The following KRT83 variants were observed in gnomAD, a reference collection of about 807,000 sequenced individuals.
KRT83 encodes the protein keratin 83, also known as keratin, type II cuticular Hb3.
KRT83 carries 51 observed loss-of-function variants against 52.9 expected under a neutral mutation model. That is an observed-to-expected ratio of 0.96 (90% CI 0.77 to 1.22). The LOEUF (loss-of-function observed/expected upper bound fraction) is 1.22, where lower values mean the gene tolerates loss of function less well. KRT83 is among the 50% of genes most tolerant of loss of function. The probability of loss-of-function intolerance (pLI) is 0.00; values close to 1 mark genes in which losing one functional copy is unlikely to be tolerated. For synonymous variants in KRT83, 278 were observed against 274.1 expected (o/e 1.01, Z -0.14); for missense variants, 654 against 666.5 (o/e 0.98, Z 0.21).
At chr12:52,320,689 C>G (rs916910586) in intron 1 of KRT83, among the ~76,000 whole-genome samples, 1 of 152,222 alleles carries the variant, frequency 6.6e-6, no homozygotes, top group Non-Finnish European at 1.5e-5. Context: ...GTCCTTTGCT[C>G]ACTAGGTGAT....
At position 52,317,678 on chromosome 12, in the gene KRT83, C is replaced by T; in HGVS notation, c.750+3G>A. On this transcript the variant is annotated splice_donor_region_variant and intron_variant, in intron 4 of 8. Coordinates refer to ENST00000293670, the MANE Select transcript of KRT83 (RefSeq NM_002282.3). ...GTGCCCACCATGGTTGAGAGCCCCTCACCTCCTCGTACAGCCGCCTCAGGA... is the reference window on the plus strand; with the variant it reads ...GTGCCCACCATGGTTGAGAGCCCCTTACCTCCTCGTACAGCCGCCTCAGGA... 1 of 1,612,134 alleles carries T rather than the reference C, an allele frequency of 6.2e-7. No individual in the cohort carries two copies. Among genetic ancestry groups the T allele is most frequent in the Non-Finnish European group, 8.5e-7 (1 of 1,179,858 alleles).
In KRT83 at chr12:52,317,985, G is replaced by T. The variant is rs554877411; in HGVS notation, c.594-15C>A. The T allele has an allele frequency of 2.5e-6, 4 of 1,612,728 alleles. No individual in the cohort carries two copies. Among genetic ancestry groups the T allele is most frequent in the East Asian group, 4.5e-5 (2 of 44,874 alleles). On this transcript the variant is annotated splice_polypyrimidine_tract_variant and intron_variant, in intron 2 of 8. Coordinates refer to ENST00000293670, the MANE Select transcript of KRT83 (RefSeq NM_002282.3). ...CTTCTTCATACCTGAGGTGAGCAGG[G>T]AGAACAGGACCTTGTCTGAACAGCT...
rs149269323 is a variant in KRT83 at position 52,317,956 on chromosome 12, ACTT to A, written c.605_607del (p.Glu202del). On this transcript the variant is annotated inframe_deletion, in exon 3 of 9. Coordinates refer to ENST00000293670, the MANE Select transcript of KRT83 (RefSeq NM_002282.3). ...GTTCTCTGCTGTGGCTCGAAGTGCT[ACTT>A]CTTCTTCATACCTGAGGTGAGCAGG... The A allele has an allele frequency of 3.0e-3, 4,797 of 1,613,770 alleles. 112 individuals carry two copies. In the African/African-American group the frequency reaches 0.052, roughly 17 times the overall value.
In KRT83 at chr12:52,314,939, A is replaced by G. The variant is rs1370473576; in HGVS notation, c.1295-121T>C. The stretch of plus-strand genomic sequence containing the variant: ...AAGGATGCAAAGAGCCTCCAGTTCT[A>G]TTCTGAAGGAGGGAACCCTAGCCTG... On this transcript the variant is annotated intron_variant, in intron 8 of 8. Transcript: ENST00000293670. 8.2e-6 allele frequency: 7 copies of G among 853,204 alleles called. No homozygotes were observed. The East Asian group carries it at 8.7e-5, about 11-fold the overall frequency. The allele number at this position is 853,204 out of a possible 1,614,324, so 52.9% of individuals were successfully genotyped here. A position where few individuals can be genotyped will look rare whatever the true frequency, so the allele number is the denominator to read the frequency against.
At position 52,317,829 on chromosome 12, in the gene KRT83, G is replaced by A; in HGVS notation, c.655-53C>T. The A allele has an allele frequency of 1.9e-6, 3 of 1,612,316 alleles. No individual in the cohort carries two copies. In the Admixed American group the frequency reaches 5.0e-5, roughly 27 times the overall value. The stretch of plus-strand genomic sequence containing the variant: ...CCGGCTTTCCTCAGAGGGCTCTGAG[G>A]ACCTGGCTGCCATGTGGCAGGACAA... On this transcript the variant is annotated intron_variant, in intron 3 of 8. Transcript: ENST00000293670.
In KRT83 at chr12:52,315,906, C is replaced by T. The variant is rs1354182569; in HGVS notation, c.1249G>A (p.Gly417Ser). 1 of 1,612,578 alleles carries T rather than the reference C, an allele frequency of 6.2e-7. No homozygotes were observed. The highest frequency in any genetic ancestry group is 1.7e-5 in the Admixed American group (1 of 60,022). The change falls in exon 7 of 9, where the codon GGC becomes AGC. Residue 417 changes from glycine to serine, a missense_variant. By Grantham distance (56) the Gly-to-Ser change is moderately conservative. Coordinates refer to ENST00000293670, the MANE Select transcript of KRT83 (RefSeq NM_002282.3). The stretch of plus-strand genomic sequence containing the variant: ...GGTTGGACCCACCTCTGCTCCTCGC[C>T]CTCCAGCAGGCGCCTGTAGGTGGCG... Reference protein sequence around the residue: ...EIATYRRLLEGEEQRLCEGVE... With the variant: ...EIATYRRLLESEEQRLCEGVE...
chr12:52,319,042 G>A, intron 2 of KRT83, 114 bp downstream of exon 2: 6 of 1,509,402 alleles, frequency 4.0e-6, no homozygotes, highest in Non-Finnish European at 5.5e-6. Flanking sequence ...GGGGGTACAG[G>A]TTCTTCTCCA....
rs546378595 is a variant in KRT83 at position 52,314,353 on chromosome 12, G to A, written c.*278C>T. ...GGAGACAAGAGGCCAGAGAGGCAGG[G>A]GGAACAGTCTCACAGTGCTTCTTCC... On this transcript the variant is annotated 3_prime_UTR_variant, in exon 9 of 9. Coordinates refer to ENST00000293670, the MANE Select transcript of KRT83 (RefSeq NM_002282.3). The A allele has an allele frequency of 3.7e-6, 2 of 538,152 alleles. No homozygotes were observed. The highest frequency in any genetic ancestry group is 2.1e-5 in the South Asian group (1 of 48,682). 33.3% of individuals were successfully genotyped at this position (538,152 alleles called of 1,614,324 possible).
Position 52,314,304 on chromosome 12 carries a change from G to A in KRT83, c.*327C>T. On this transcript the variant is annotated 3_prime_UTR_variant, in exon 9 of 9. Coordinates refer to ENST00000293670, the MANE Select transcript of KRT83 (RefSeq NM_002282.3). ...GCAAGACATTGCAGCACACAAAGCA[G>A]GTCCCCAAGTTTATTGGAAAAGGGG... 1 of 400,654 alleles carries A rather than the reference G, an allele frequency of 2.5e-6. No homozygotes were observed. Among genetic ancestry groups the A allele is most frequent in the East Asian group, 4.9e-5 (1 of 20,374 alleles). The allele number at this position is 400,654 out of a possible 1,614,324, so 24.8% of individuals were successfully genotyped here.
chr12:52,320,318 C>G (rs1408097813), intron 1 of KRT83, among the ~76,000 whole-genome samples: 1 of 152,156 alleles, frequency 6.6e-6, no homozygotes, highest in Non-Finnish European at 1.5e-5. Context: ...ATGGTGGTTG[C>G]CTGGATTCAG....
rs1413437598 is a variant in KRT83 at position 52,314,825 on chromosome 12, G to C, written c.1295-7C>G. 4 of 1,600,246 alleles carry C rather than the reference G, an allele frequency of 2.5e-6. No individual in the cohort carries two copies. The African/African-American group carries it at 5.4e-5, about 21-fold the overall frequency. On this transcript the variant is annotated splice_region_variant and splice_polypyrimidine_tract_variant and intron_variant, in intron 8 of 8. Transcript: ENST00000293670. ...CCCCGGGAGCTGCTGACACCTGTGG[G>C]AACAAGGGCAGGGTCAAGAGACCCC...
In KRT83 at chr12:52,319,318, T is replaced by C. The variant is rs1392352825; in HGVS notation, c.431A>G (p.Gln144Arg). The change falls in exon 2 of 9, where the codon CAG becomes CGG. Residue 144 changes from glutamine to arginine, a missense_variant. Gln to Arg is a conservative substitution (Grantham distance 43). Coordinates refer to ENST00000293670, the MANE Select transcript of KRT83 (RefSeq NM_002282.3). ...GCAGCACTCGCGGTTTTGGTAGAAC[T>C]GCAGCTTTGTCTCCAGCAGCTTGTT... ...QQNKLLETKL[Q>R]FYQNRECCQS... 3 of 1,613,968 alleles carry C rather than the reference T, an allele frequency of 1.9e-6. No homozygotes were observed. The highest frequency in any genetic ancestry group is 2.5e-6 in the Non-Finnish European group (3 of 1,179,928).
Position 52,314,742 on chromosome 12 carries a change from G to C in KRT83, c.1371C>G (p.Val457=). ...GGTTCCCGTTGCAGGGGGCACTGCAGACGCTGCCCGTCACCGGCCGGGAGC... is the reference window on the plus strand; with the variant it reads ...GGTTCCCGTTGCAGGGGGCACTGCACACGCTGCCCGTCACCGGCCGGGAGC... The part of the protein sequence containing the change: ...VSGSRPVTGS[V]CSAPCNGNLV... Residue 457 remains valine, a synonymous_variant, in exon 9 of 9, where the codon GTC becomes GTG. Coordinates refer to ENST00000293670, the MANE Select transcript of KRT83 (RefSeq NM_002282.3). The C allele has an allele frequency of 6.3e-7, 1 of 1,597,112 alleles. No individual in the cohort carries two copies. The highest frequency in any genetic ancestry group is 1.3e-5 in the African/African-American group (1 of 74,802).
chr12:52,316,964 G>T lies in KRT83; in HGVS notation c.810C>A (p.Asn270Lys). Residue 270 changes from asparagine (N) to lysine (K), a missense_variant, in exon 5 of 9, where the codon AAC becomes AAA. Asn to Lys is a moderately conservative substitution (Grantham distance 94). Transcript: ENST00000293670. ...TGCAGTCCATGTTCAGGTCCCGGCTGTTGTCCAGCTTGACAACCACGGAGG... is the reference window on the plus strand; with the variant it reads ...TGCAGTCCATGTTCAGGTCCCGGCTTTTGTCCAGCTTGACAACCACGGAGG... ...SDTSVVVKLD[N>K]SRDLNMDCIV... 1 of 1,614,204 alleles carries T rather than the reference G, an allele frequency of 6.2e-7. No homozygotes were observed. The highest frequency in any genetic ancestry group is 8.5e-7 in the Non-Finnish European group (1 of 1,180,042).
chr12:52,317,587 G>A (rs1396828268), intron 4 of KRT83, 94 bp downstream of exon 4: 4 of 1,389,576 alleles, frequency 2.9e-6, no homozygotes, highest in South Asian at 2.3e-5. Flanking sequence ...GGGTTCATAT[G>A]TCAGCAGGCC....
At position 52,316,610 on chromosome 12, in the gene KRT83, T is replaced by A; in HGVS notation, c.916-17A>T. ...CTCCTCACACTGCAGGAAGCAGAGA[T>A]GTTCATGAGGCTCAGGATGAGACAT... On this transcript the variant is annotated splice_polypyrimidine_tract_variant and intron_variant, in intron 5 of 8. Coordinates refer to ENST00000293670, the MANE Select transcript of KRT83 (RefSeq NM_002282.3). The A allele has an allele frequency of 6.2e-7, 1 of 1,614,168 alleles. No individual in the cohort carries two copies. The highest frequency in any genetic ancestry group is 8.5e-7 in the Non-Finnish European group (1 of 1,180,030).
chr12:52,314,403 G>C lies in KRT83; in HGVS notation c.*228C>G. The C allele has an allele frequency of 1.7e-6, 1 of 601,132 alleles. No individual in the cohort carries two copies. The highest frequency in any genetic ancestry group is 3.0e-6 in the Non-Finnish European group (1 of 333,362). 37.2% of individuals were successfully genotyped at this position (601,132 alleles called of 1,614,324 possible). ...CAGGGAAGCAAGGCCCTTCTCCCCG[G>C]GAGGGGCTGAAGGCTGAGACAGGGG... On this transcript the variant is annotated 3_prime_UTR_variant, in exon 9 of 9. Transcript: ENST00000293670.
At chr12:52,317,531 T>TTCCTTCCCTCTCCTTGCTCCCTGC in intron 4 of KRT83, 150 bp downstream of exon 4, 2 of 961,872 alleles carry the variant, frequency 2.1e-6, no homozygotes, top group African/African-American at 3.2e-5. Context: ...TGCCTCCCTG[T>TTCCTTCCCTCTCCTTGCTCCCTGC]TCCTTCCCTC....
At chr12:52,318,371 G>A (rs1461974471) in intron 2 of KRT83, among the ~76,000 whole-genome samples, 1 of 152,084 alleles carries the variant, frequency 6.6e-6, no homozygotes, top group Non-Finnish European at 1.5e-5. Flanking sequence ...TGGAGGTTGG[G>A]AGAGCAGGAT....
Sources: allele counts gnomAD v4.1 joint callset (sites outside exome capture counted in the v4.1 genomes callset), GRCh38; gene constraint gnomAD v4.1.1; transcripts MANE v1.5; gene names NCBI Gene and HGNC (gene_info 2026-07-23, HGNC 2026-07-21).